KLHDC10: variants seen among roughly 807,000 people sequenced by gnomAD.
The protein encoded by KLHDC10 is kelch domain containing 10, also known as kelch domain-containing protein 10.
In KLHDC10, 24 loss-of-function variants were observed where a neutral mutation model predicts 56.1. The ratio of observed to expected loss-of-function variants is 0.43; its 90% CI spans 0.31 to 0.60. KLHDC10 has a LOEUF of 0.60. KLHDC10 is among the 20% of genes least tolerant of loss of function. The pLI is 0.11. For missense variants in KLHDC10, 349 were observed against 567.0 expected, an observed-to-expected ratio of 0.62 and a Z score of 3.91; for synonymous variants, 188 against 207.1, an observed-to-expected ratio of 0.91 and a Z score of 0.79.
intron 1 of KLHDC10, among the ~76,000 whole-genome samples, chr7:130,088,600 A>G (rs1333384015): frequency 1.4e-5 from 2 of 144,070 alleles, no homozygotes; most frequent in African/African-American, 5.1e-5. Context: ...AAAATTGATC[A>G]CTTTTCTAGT....
intron 7 of KLHDC10, 72 bp downstream of exon 7, chr7:130,126,003 A>C: frequency 8.6e-7 from 1 of 1,156,232 alleles, no homozygotes. Flanking sequence ...TGGAAGGAAA[A>C]AGTAATTTTA....
At chr7:130,121,744 C>G (rs756276635) in intron 4 of KLHDC10, among the ~76,000 whole-genome samples, 1 of 152,214 alleles carries the variant, frequency 6.6e-6, no homozygotes, top group Non-Finnish European at 1.5e-5. Context: ...TAAAGAGAAG[C>G]AGCTTTCAAT....
chr7:130,130,189 G>A lies in KLHDC10; in HGVS notation c.1120-348G>A, dbSNP rs777110879. 5.9e-5 allele frequency among the ~76,000 whole-genome samples: 9 copies of A among 151,650 alleles called. No individual in the cohort carries two copies. The highest frequency in any genetic ancestry group is 1.3e-4 in the Admixed American group (2 of 15,222). On this transcript the variant is annotated intron_variant, in intron 9 of 9. Coordinates refer to ENST00000335420, the MANE Select transcript of KLHDC10 (RefSeq NM_014997.4). The surrounding 1 kb of genome is among the most constrained non-coding windows in gnomAD (Gnocchi z 4.2). ...AAAAAAATTAGCCGGACGTGGTGGCGCGTGCCTGTATTCCCAGCTACTCTG... is the reference window on the plus strand; with the variant it reads ...AAAAAAATTAGCCGGACGTGGTGGCACGTGCCTGTATTCCCAGCTACTCTG...
At chr7:130,075,783 T>G (rs769523067) in intron 1 of KLHDC10, among the ~76,000 whole-genome samples, 1 of 152,214 alleles carries the variant, frequency 6.6e-6, no homozygotes, top group Non-Finnish European at 1.5e-5. Flanking sequence ...GTTCGAGTGC[T>G]GTCTTCCTTG....
intron 2 of KLHDC10, among the ~76,000 whole-genome samples, chr7:130,100,996 AT>A (rs1795920968): frequency 8.1e-6 from 1 of 124,072 alleles, no homozygotes; most frequent in African/African-American, 2.8e-5. Flanking sequence ...AATCATTGTA[AT>A]TAAAAAAAAA....
intron 1 of KLHDC10, among the ~76,000 whole-genome samples, chr7:130,094,507 G>GA (rs1189873575): frequency 2.6e-5 from 4 of 151,564 alleles, no homozygotes; most frequent in Non-Finnish European, 4.4e-5. Context: ...TCATAAAGGG[G>GA]AAAAAACAAA....
intron 1 of KLHDC10, among the ~76,000 whole-genome samples, chr7:130,080,701 T>C (rs1300184295): frequency 6.6e-6 from 1 of 152,084 alleles, no homozygotes; most frequent in Non-Finnish European, 1.5e-5. Flanking sequence ...GCAGACCAAT[T>C]ATATCATTCT....
At chr7:130,090,487 C>T (rs1795755841) in intron 1 of KLHDC10, among the ~76,000 whole-genome samples, 1 of 151,510 alleles carries the variant, frequency 6.6e-6, no homozygotes, top group Non-Finnish European at 1.5e-5. Flanking sequence ...ACTTGAGAGG[C>T]TGAGGTAGGA....
chr7:130,129,638 G>T, intron 9 of KLHDC10, 62 bp downstream of exon 9: 1 of 1,507,482 alleles, frequency 6.6e-7, no homozygotes, highest in Non-Finnish European at 9.0e-7. Context: ...TCTTTTTAGA[G>T]ATATTAGCAA....
At chr7:130,077,555 CTTTTTTTT>C (rs1374918216) in intron 1 of KLHDC10, among the ~76,000 whole-genome samples, 1 of 108,102 alleles carries the variant, frequency 9.3e-6, no homozygotes, top group South Asian at 3.2e-4. Context: ...CTTTTTCTTT[CTTTTTTTT>C]TTTTTTTTTT....
At position 130,127,462 on chromosome 7, in the gene KLHDC10, T is replaced by C. The variant is rs766078769; in HGVS notation, c.979+11T>C. The C allele has an allele frequency of 6.3e-7, 1 of 1,593,646 alleles. No homozygotes were observed. The highest frequency in any genetic ancestry group is 1.7e-5 in the Admixed American group (1 of 59,956). On this transcript the variant is annotated intron_variant, in intron 8 of 9. Coordinates refer to ENST00000335420, the MANE Select transcript of KLHDC10 (RefSeq NM_014997.4). ...TTCAAATAAAAAATGGTAAGGATTCTAAATAACATTTTGCTTCCATTTCTG... is the reference window on the plus strand; with the variant it reads ...TTCAAATAAAAAATGGTAAGGATTCCAAATAACATTTTGCTTCCATTTCTG...
chr7:130,122,169 C>A lies in KLHDC10; in HGVS notation c.746C>A (p.Pro249Gln). 1 of 1,613,960 alleles carries A rather than the reference C, an allele frequency of 6.2e-7. No homozygotes were observed. The highest frequency in any genetic ancestry group is 8.5e-7 in the Non-Finnish European group (1 of 1,179,910). ...ACCAGAGAGTGGACACAACTGAAAC[C>A]AAACAACCTATCCTGTGATCTACCA... Reference protein sequence around the residue: ...LNTREWTQLKPNNLSCDLPEE... With the variant: ...LNTREWTQLKQNNLSCDLPEE... The change falls in exon 5 of 10, where the codon CCA (proline) becomes CAA (glutamine). Residue 249 changes from proline (P) to glutamine (Q), a missense_variant. By Grantham distance (76) the Pro-to-Gln change is moderately conservative. Around this residue, in one of 2 missense-constraint regions of KLHDC10, gnomAD observed 245 missense variants for 470.1 expected, o/e 0.52. Coordinates refer to ENST00000335420, the MANE Select transcript of KLHDC10 (RefSeq NM_014997.4).
At position 130,131,094 on chromosome 7, in the gene KLHDC10, T is replaced by C. The variant is rs1796394045; in HGVS notation, c.*348T>C. 5.8e-6 allele frequency: 1 copy of C among 171,364 alleles called. No homozygotes were observed. The highest frequency in any genetic ancestry group is 1.2e-5 in the Non-Finnish European group (1 of 80,032). The allele number at this position is 171,364 out of a possible 1,614,324, so 10.6% of individuals were successfully genotyped here. A position where few individuals can be genotyped will look rare whatever the true frequency, so the allele number is the denominator to read the frequency against. ...AGGAATTCTGAATAGTTCCATGTCA[T>C]ACAATATTCTAGAAATTAAAACATC... On this transcript the variant is annotated 3_prime_UTR_variant, in exon 10 of 10. Coordinates refer to ENST00000335420, the MANE Select transcript of KLHDC10 (RefSeq NM_014997.4).
At chr7:130,123,038 T>C (rs1198734578) in intron 5 of KLHDC10, among the ~76,000 whole-genome samples, 1 of 151,942 alleles carries the variant, frequency 6.6e-6, no homozygotes, top group African/African-American at 2.4e-5. Flanking sequence ...GATGGATGGA[T>C]GGATGGATGG....
intron 2 of KLHDC10, among the ~76,000 whole-genome samples, chr7:130,104,941 T>G (rs1232773621): frequency 6.6e-6 from 1 of 152,042 alleles, no homozygotes; most frequent in Non-Finnish European, 1.5e-5. Flanking sequence ...GGGACACAGA[T>G]CCAAACCATA....
intron 1 of KLHDC10, among the ~76,000 whole-genome samples, chr7:130,086,925 C>A (rs962267715): frequency 2.0e-5 from 3 of 152,230 alleles, no homozygotes; most frequent in Non-Finnish European, 2.9e-5. Context: ...TTCAGCTAGT[C>A]TTTTACATCC....
chr7:130,116,726 T>TG lies in KLHDC10; in HGVS notation c.475+61dup. ...GAAATGTCTGAGAAGCCAGGTTCAATGTCCCATATTCCTCATTAATAATTT... is the reference window on the plus strand; with the variant it reads ...GAAATGTCTGAGAAGCCAGGTTCAATGGTCCCATATTCCTCATTAATAATTT... On this transcript the variant is annotated intron_variant, in intron 3 of 9. Coordinates refer to ENST00000335420, the MANE Select transcript of KLHDC10 (RefSeq NM_014997.4). This position sits in a 1 kb window ranked among gnomAD's most constrained non-coding sequence, Gnocchi z 4.8. The TG allele has an allele frequency of 7.7e-7, 1 of 1,301,774 alleles. No homozygotes were observed. Among genetic ancestry groups the TG allele is most frequent in the South Asian group, 1.2e-5 (1 of 84,564 alleles). 80.6% of individuals were successfully genotyped at this position (1,301,774 alleles called of 1,614,324 possible). A position where few individuals can be genotyped will look rare whatever the true frequency, so the allele number is the denominator to read the frequency against.
chr7:130,082,741 T>G (rs1356059396), intron 1 of KLHDC10, among the ~76,000 whole-genome samples: 1 of 152,236 alleles, frequency 6.6e-6, no homozygotes, highest in Non-Finnish European at 1.5e-5. Context: ...CCTCCATCGT[T>G]CTACTCAAGT....
In KLHDC10 at chr7:130,102,816, A is replaced by C. The variant is rs139232390; in HGVS notation, c.253+5809A>C. ...ACTCCAGCCTGGACAACAGAGCGAGACACTGTCTCAAAAAACAAAACAAAA... is the reference window on the plus strand; with the variant it reads ...ACTCCAGCCTGGACAACAGAGCGAGCCACTGTCTCAAAAAACAAAACAAAA... On this transcript the variant is annotated intron_variant, in intron 2 of 9. Transcript: ENST00000335420. Among the ~76,000 whole-genome samples, 834 of 152,294 alleles carry C rather than the reference A, an allele frequency of 5.5e-3. 4 individuals carry two copies. The highest frequency in any genetic ancestry group is 0.018 in the African/African-American group (760 of 41,566).
Sources: gnomAD v4.1 joint callset for allele counts (sites outside exome capture counted in the v4.1 genomes callset) on GRCh38, gnomAD v4.1.1 for gene constraint, gnomAD v4.1.1 regional missense constraint, Gnocchi (gnomAD v3.1) non-coding constraint, MANE v1.5 for transcripts, NCBI Gene and HGNC (gene_info 2026-07-23, HGNC 2026-07-21) for gene names.